Variants in HEATR4 observed in about 807,000 individuals in gnomAD.
HEATR4 encodes the protein HEAT repeat containing 4.
Under a neutral mutation model 108.8 loss-of-function variants are expected in HEATR4, and 95 were observed. The observed-to-expected ratio is 0.87, with a 90% CI of 0.74 to 1.04. HEATR4 has a LOEUF of 1.04. Among genes scored for constraint, HEATR4 ranks in the 50% least tolerant of loss-of-function variants. The pLI, the probability that HEATR4 is intolerant of heterozygous loss-of-function variation, is 0.00. For synonymous variants in HEATR4, 443 were observed against 459.4 expected (o/e 0.96, Z 0.46); for missense variants, 1,152 against 1,253.8 (o/e 0.92, Z 1.23).
chr14:73,483,056 A>G, intron 17 of HEATR4, among the ~76,000 whole-genome samples: 1 of 152,196 alleles, frequency 6.6e-6, no homozygotes, highest in East Asian at 1.9e-4. Flanking sequence ...AGAGAACCAA[A>G]TGTATAGAGC....
At chr14:73,603,717 A>G in the HEATR4 span, among the ~76,000 whole-genome samples, 12 of 150,876 alleles carry the variant, frequency 8.0e-5, 1 homozygote, top group East Asian at 2.0e-3. Context: ...CATTTGATCG[A>G]AGTGCTTATT....
At chr14:73,479,367 G>A (rs1182142702) in intron 17 of HEATR4, among the ~76,000 whole-genome samples, 4 of 151,536 alleles carry the variant, frequency 2.6e-5, no homozygotes, top group African/African-American at 4.9e-5. Context: ...AGCCCGCCTC[G>A]GCCTCCCAAA....
the HEATR4 span, among the ~76,000 whole-genome samples, chr14:73,597,862 G>C: frequency 6.6e-6 from 1 of 151,378 alleles, no homozygotes; most frequent in African/African-American, 2.4e-5. Context: ...AAAGTGCTGG[G>C]ATTACAGGCA....
intron 10 of HEATR4, among the ~76,000 whole-genome samples, chr14:73,505,700 T>C (rs561324662): frequency 2.5e-4 from 38 of 150,644 alleles, no homozygotes; most frequent in Non-Finnish European, 5.2e-4. Flanking sequence ...GCCGGGACTA[T>C]GTTTTATATG....
At chr14:73,490,549 C>T (rs1885640745) in intron 17 of HEATR4, among the ~76,000 whole-genome samples, 1 of 152,170 alleles carries the variant, frequency 6.6e-6, no homozygotes, top group Non-Finnish European at 1.5e-5. Flanking sequence ...TCTCGATCTC[C>T]TGACCTCGTG....
chr14:73,478,583 T>C lies in HEATR4; in HGVS notation c.*23A>G. ...GACCAGGTCCACTGCTTCCTGCATCTTGAAGTAAGACAAGTGTTCAGCTTA... is the reference window on the plus strand; with the variant it reads ...GACCAGGTCCACTGCTTCCTGCATCCTGAAGTAAGACAAGTGTTCAGCTTA... On this transcript the variant is annotated 3_prime_UTR_variant, in exon 18 of 18. Transcript: ENST00000553558. 2 of 1,523,252 alleles carry C rather than the reference T, an allele frequency of 1.3e-6. No homozygotes were observed. The highest frequency in any genetic ancestry group is 2.2e-5 in the South Asian group (2 of 89,176). 94.4% of individuals were successfully genotyped at this position (1,523,252 alleles called of 1,614,324 possible). A position where few individuals can be genotyped will look rare whatever the true frequency, so the allele number is the denominator to read the frequency against.
the HEATR4 span, among the ~76,000 whole-genome samples, chr14:73,608,968 C>T: frequency 2.6e-5 from 4 of 152,162 alleles, no homozygotes; most frequent in Non-Finnish European, 4.4e-5. Context: ...CTCACTATCA[C>T]CAGAACAGCA....
At position 73,478,810 on chromosome 14, in the gene HEATR4, T is replaced by TA; in HGVS notation, c.2876dup (p.Leu959PhefsTer36). ...TGGTTAGGCCTGGGACTGAACTTTG[T>TA]AACCAGGGATTTGGTGCGCGGGGCT... On this transcript the variant is annotated frameshift_variant, in exon 18 of 18. Coordinates refer to ENST00000553558, the MANE Select transcript of HEATR4 (RefSeq NM_001220484.1). LOFTEE classifies it low-confidence loss of function (END_TRUNC). The TA allele has an allele frequency of 6.2e-7, 1 of 1,610,458 alleles. No individual in the cohort carries two copies. Among genetic ancestry groups the TA allele is most frequent in the South Asian group, 1.1e-5 (1 of 91,026 alleles).
chr14:73,487,125 TA>T (rs1885482864), intron 17 of HEATR4, among the ~76,000 whole-genome samples: 1 of 134,888 alleles, frequency 7.4e-6, no homozygotes, highest in African/African-American at 2.7e-5. Flanking sequence ...TAATAATAAT[TA>T]AAAAAAGAAT....
At chr14:73,536,986 G>C (rs114373737) in intron 1 of HEATR4, 1 of 77,272 alleles carries the variant, frequency 1.3e-5, no homozygotes, top group Admixed American at 1.8e-4. Flanking sequence ...GGTTGTTGTT[G>C]TTTTTTTTTT....
At chr14:73,568,481 C>T in the HEATR4 span, among the ~76,000 whole-genome samples, 1 of 151,760 alleles carries the variant, frequency 6.6e-6, no homozygotes, top group African/African-American at 2.4e-5. Context: ...ATGGCTTGAG[C>T]ACCAGGAGTT....
intron 12 of HEATR4, 95 bp downstream of exon 12, chr14:73,500,455 C>A: frequency 7.8e-7 from 1 of 1,274,356 alleles, no homozygotes; most frequent in Admixed American, 2.0e-5. Context: ...CATTCTGTGT[C>A]CCCACAGAAT....
upstream of HEATR4, among the ~76,000 whole-genome samples, chr14:73,563,644 A>C (rs1336838235): frequency 1.3e-5 from 2 of 151,750 alleles, no homozygotes; most frequent in Non-Finnish European, 2.9e-5. Flanking sequence ...AATGTACTTA[A>C]TATCATTGAT....
At chr14:73,569,921 C>T in the HEATR4 span, 10 of 1,580,478 alleles carry the variant, frequency 6.3e-6, no homozygotes, top group South Asian at 7.0e-5. Flanking sequence ...GTTCGTTCGC[C>T]TTTCACTTTG....
At chr14:73,613,310 A>G in the HEATR4 span, among the ~76,000 whole-genome samples, 1 of 151,882 alleles carries the variant, frequency 6.6e-6, no homozygotes, top group African/African-American at 2.4e-5. Context: ...CCCTCCCTGG[A>G]GGCACCACCA....
upstream of HEATR4, among the ~76,000 whole-genome samples, chr14:73,561,943 C>T (rs1402439525): frequency 6.6e-6 from 1 of 152,022 alleles, no homozygotes. Context: ...GTGATCTTGC[C>T]ACTGCACTCC....
At chr14:73,614,448 A>C in the HEATR4 span, among the ~76,000 whole-genome samples, 5 of 152,056 alleles carry the variant, frequency 3.3e-5, no homozygotes, top group African/African-American at 1.2e-4. Context: ...TCAATAAATC[A>C]TACTGACTGG....
intron 1 of HEATR4, among the ~76,000 whole-genome samples, chr14:73,549,453 G>A (rs1889288077): frequency 7.8e-6 from 1 of 128,416 alleles, no homozygotes; most frequent in South Asian, 2.4e-4. Context: ...CCCCCAGGAA[G>A]TAGAGAACAT....
intron 1 of HEATR4, among the ~76,000 whole-genome samples, chr14:73,549,382 C>A (rs1889286707): frequency 8.2e-6 from 1 of 121,350 alleles, no homozygotes; most frequent in South Asian, 2.6e-4. Context: ...GCATCGAGCC[C>A]TGGGCCTCAG....
Sources: allele counts gnomAD v4.1 joint callset (sites outside exome capture counted in the v4.1 genomes callset), GRCh38; gene constraint gnomAD v4.1.1; transcripts MANE v1.5; gene names NCBI Gene and HGNC (gene_info 2026-07-23, HGNC 2026-07-21).